TCF25: variants seen among roughly 807,000 people sequenced by gnomAD.
TCF25 encodes the protein TCF25 ribosome quality control complex subunit.
In TCF25, 41 loss-of-function variants were observed where a neutral mutation model predicts 83.1. The ratio of observed to expected loss-of-function variants is 0.49; its 90% confidence interval spans 0.38 to 0.64. The LOEUF is 0.64. Among genes scored for constraint, TCF25 ranks in the 30% least tolerant of loss-of-function variants. TCF25 has a pLI of 0.00. For synonymous variants in TCF25, 458 were observed against 365.0 expected (o/e 1.25, Z -2.90); for missense variants, 979 against 914.5 (o/e 1.07, Z -0.91).
chr16:89,888,177 A>AT (rs2043156039), intron 5 of TCF25, among the ~76,000 whole-genome samples: 1 of 152,196 alleles, frequency 6.6e-6, no homozygotes, highest in Non-Finnish European at 1.5e-5. Flanking sequence ...GAGGCGGGAC[A>AT]TTCGCTTGAA....
chr16:89,906,560 G>A (rs1394563233), intron 15 of TCF25, among the ~76,000 whole-genome samples: 4 of 152,342 alleles, frequency 2.6e-5, no homozygotes, highest in Middle Eastern at 3.4e-3. Flanking sequence ...TTGTGAGCGC[G>A]TGGTGCGGCT....
At chr16:89,883,823 C>A (rs1597284405) in intron 2 of TCF25, 1 of 273,224 alleles carries the variant, frequency 3.7e-6, no homozygotes, top group Non-Finnish European at 6.9e-6. Flanking sequence ...CACGTGTGTG[C>A]CTCCTAGCCG....
chr16:89,875,836 TTTTTTTTTTTTTG>T, intron 1 of TCF25, among the ~76,000 whole-genome samples: 1 of 136,168 alleles, frequency 7.3e-6, no homozygotes, highest in African/African-American at 2.8e-5. Flanking sequence ...TTTTTTTTTT[TTTTTTTTTTTTTG>T]GTTACAGACA....
At chr16:89,898,036 G>A (rs1186767584) in intron 9 of TCF25, among the ~76,000 whole-genome samples, 2 of 152,044 alleles carry the variant, frequency 1.3e-5, no homozygotes, top group South Asian at 2.1e-4. Flanking sequence ...CCCAGGAGGC[G>A]GAGCTTGCAA....
chr16:89,874,092 G>A (rs1292144752), intron 1 of TCF25, among the ~76,000 whole-genome samples: 1 of 151,566 alleles, frequency 6.6e-6, no homozygotes, highest in African/African-American at 2.4e-5. Flanking sequence ...TTCTAACCCC[G>A]GTGAGGTGGG....
intron 3 of TCF25, 139 bp from the exon 4 acceptor site, chr16:89,885,709 C>T (rs1193554195): frequency 4.2e-6 from 3 of 707,182 alleles, no homozygotes; most frequent in Non-Finnish European, 7.4e-6. Flanking sequence ...GTGGATGGTA[C>T]ATAGTGTTTG....
intron 7 of TCF25, 176 bp from the exon 8 acceptor site, chr16:89,894,862 C>T (rs1209751112): frequency 5.9e-6 from 3 of 512,030 alleles, no homozygotes; most frequent in Non-Finnish European, 1.1e-5. Context: ...CCAGGCTGGT[C>T]TTGAACTCCT....
intron 9 of TCF25, 51 bp downstream of exon 9, chr16:89,896,134 G>T (rs757228478): frequency 3.8e-6 from 6 of 1,571,750 alleles, no homozygotes; most frequent in African/African-American, 1.4e-5. Flanking sequence ...CTTCTCCTGC[G>T]AGTGAGGCTG....
rs745828315 is a variant in TCF25 at position 89,883,430 on chromosome 16, C to A, written c.272C>A (p.Pro91Gln). 6.2e-7 allele frequency: 1 copy of A among 1,613,970 alleles called. No homozygotes were observed. Reference protein sequence around the residue: ...SGCALTDAVAPGNKGRGQRGN... With the variant: ...SGCALTDAVAQGNKGRGQRGN... ...TGTGCGCTCACAGACGCTGTGGCAC[C>A]AGGGAACAAAGGAAGGGGTCAGCGT... Residue 91 changes from proline to glutamine, a missense_variant, in exon 2 of 18, where the codon CCA becomes CAA. Transcript: ENST00000263346.
Position 89,882,991 on chromosome 16 carries a change from G to A in TCF25, c.193-360G>A, listed in dbSNP as rs189400654. Among the ~76,000 whole-genome samples the A allele has an allele frequency of 2.0e-4, 30 of 152,348 alleles. No homozygotes were observed. In the East Asian group the frequency reaches 5.0e-3, roughly 25 times the overall value. On this transcript the variant is annotated intron_variant, in intron 1 of 17. Coordinates refer to ENST00000263346, the MANE Select transcript of TCF25 (RefSeq NM_014972.3). ...AGGCTTGAGGAGAAAGGAGGAAGAA[G>A]GAACTTTAATGCATTGGCTGAATAT...
rs146135107 is a variant in TCF25 at position 89,892,356 on chromosome 16, G to A, written c.697+81G>A. ...CTGGCCCCGGTACAGCAAACCAGGTGAGGGTCTGCAGAGGCTGCTGGGGGT... is the reference window on the plus strand; with the variant it reads ...CTGGCCCCGGTACAGCAAACCAGGTAAGGGTCTGCAGAGGCTGCTGGGGGT... On this transcript the variant is annotated intron_variant, in intron 6 of 17. Coordinates refer to ENST00000263346, the MANE Select transcript of TCF25 (RefSeq NM_014972.3). 4.5e-3 allele frequency: 6,799 copies of A among 1,501,714 alleles called. 48 individuals are homozygous for A. The highest frequency in any genetic ancestry group is 0.015 in the Middle Eastern group (81 of 5,426). The allele number at this position is 1,501,714 out of a possible 1,614,324, so 93.0% of individuals were successfully genotyped here. A position where few individuals can be genotyped will look rare whatever the true frequency, so the allele number is the denominator to read the frequency against.
intron 1 of TCF25, chr16:89,878,434 A>ATTTTTTTTTTTTTTTTTTTTTTTT: frequency 9.9e-7 from 1 of 1,005,712 alleles, no homozygotes; most frequent in Non-Finnish European, 1.2e-6. Context: ...AAAAATCACC[A>ATTTTTTTTTTTTTTTTTTTTTTTT]TTTTTTTTTT....
At position 89,904,970 on chromosome 16, in the gene TCF25, TG is replaced by T; in HGVS notation, c.1503del (p.Tyr502ThrfsTer15). Reference protein sequence around the residue: ...QPPALSQLVNLYLGRSHFLWK... With the variant: ...QPPALSQLVNXYLGRSHFLWK... The stretch of plus-strand genomic sequence containing the variant: ...CCTGCCCTGAGCCAGCTGGTGAACC[TG>T]TACCTTGGGAGGTCACACTTTCTCT... On this transcript the variant is annotated frameshift_variant, in exon 14 of 18. Coordinates refer to ENST00000263346, the MANE Select transcript of TCF25 (RefSeq NM_014972.3). LOFTEE classifies it high-confidence loss of function. The T allele has an allele frequency of 6.2e-7, 1 of 1,608,278 alleles. No homozygotes were observed. The highest frequency in any genetic ancestry group is 8.5e-7 in the Non-Finnish European group (1 of 1,177,712).
At chr16:89,874,168 G>A (rs578199443) in intron 1 of TCF25, among the ~76,000 whole-genome samples, 2 of 152,136 alleles carry the variant, frequency 1.3e-5, no homozygotes, top group East Asian at 3.9e-4. Context: ...GGGGTTAAGC[G>A]GGGTCCGGGT....
chr16:89,892,113 C>T (rs993967743), intron 5 of TCF25, 80 bp from the exon 6 acceptor site: 132 of 1,391,730 alleles, frequency 9.5e-5, no homozygotes, highest in African/African-American at 1.5e-4. Flanking sequence ...TTCCACAGCC[C>T]GTGCAGGGAT....
In TCF25 at chr16:89,910,604, A is replaced by G; in HGVS notation, c.1813A>G (p.Ser605Gly). The G allele has an allele frequency of 3.7e-6, 6 of 1,613,724 alleles. No individual in the cohort carries two copies. Among genetic ancestry groups the G allele is most frequent in the Non-Finnish European group, 5.1e-6 (6 of 1,179,956 alleles). Reference sequence around the variant, plus strand: ...ACTTTCTTTCAGGCTAAGTCCTATCAGCCATGGAAACACCATTGCTCTCTT... The same window carrying G: ...ACTTTCTTTCAGGCTAAGTCCTATCGGCCATGGAAACACCATTGCTCTCTT... ...YVRPERLSPI[S>G]HGNTIALFFR... Residue 605 changes from serine to glycine, a missense_variant, in exon 17 of 18, where the codon AGC becomes GGC. Transcript: ENST00000263346.
intron 3 of TCF25, among the ~76,000 whole-genome samples, chr16:89,884,960 C>T (rs1174003661): frequency 3.3e-5 from 3 of 90,040 alleles, no homozygotes; most frequent in Admixed American, 1.1e-4. Context: ...CTCTGCCTGA[C>T]GCCCCTCTCC....
intron 5 of TCF25, among the ~76,000 whole-genome samples, chr16:89,891,281 G>A (rs2043406700): frequency 6.6e-6 from 1 of 152,254 alleles, no homozygotes; most frequent in African/African-American, 2.4e-5. Context: ...GCCCAGGAGA[G>A]TGCTGAAGGG....
intron 12 of TCF25, among the ~76,000 whole-genome samples, chr16:89,901,404 G>C (rs1276462219): frequency 6.6e-6 from 1 of 151,670 alleles, no homozygotes; most frequent in Non-Finnish European, 1.5e-5. Context: ...TCCTTAAGAC[G>C]AGCCTCCTCT....
Sources: gnomAD v4.1 joint callset for allele counts (sites outside exome capture counted in the v4.1 genomes callset) on GRCh38, gnomAD v4.1.1 for gene constraint, MANE v1.5 for transcripts, NCBI Gene and HGNC (gene_info 2026-07-23, HGNC 2026-07-21) for gene names.